CAMK2D: variants seen among roughly 807,000 people sequenced by gnomAD.
CAMK2D encodes calcium/calmodulin-dependent protein kinase type II subunit delta.
CAMK2D carries 37 observed loss-of-function variants against 84.0 expected under a neutral mutation model. That is an observed-to-expected ratio of 0.44 (90% CI 0.34 to 0.58). CAMK2D has a LOEUF of 0.58. CAMK2D is among the 20% of genes least tolerant of loss of function. The pLI is 0.02. For missense variants in CAMK2D, 448 were observed against 652.5 expected, an observed-to-expected ratio of 0.69 and a Z score of 3.41; for synonymous variants, 202 against 212.5, an observed-to-expected ratio of 0.95 and a Z score of 0.43.
At chr4:113,705,939 A>G (rs142686979) in intron 2 of CAMK2D, among the ~76,000 whole-genome samples, 227 of 152,294 alleles carry the variant, frequency 1.5e-3, no homozygotes, top group African/African-American at 5.2e-3. Context: ...GTAACACCAT[A>G]TAACTTTCTG....
At chr4:113,491,821 C>A (rs898802230) in intron 16 of CAMK2D, among the ~76,000 whole-genome samples, 1 of 151,960 alleles carries the variant, frequency 6.6e-6, no homozygotes, top group Non-Finnish European at 1.5e-5. Context: ...ATTTCAGAGC[C>A]TGTTATTGGT....
At chr4:113,662,963 A>G (rs1008022360) in intron 2 of CAMK2D, among the ~76,000 whole-genome samples, 2 of 152,224 alleles carry the variant, frequency 1.3e-5, no homozygotes, top group Non-Finnish European at 2.9e-5. Flanking sequence ...TTAAACACGT[A>G]TAGTGCTATT....
chr4:113,490,542 G>C (rs1261920190), intron 16 of CAMK2D, among the ~76,000 whole-genome samples: 2 of 139,874 alleles, frequency 1.4e-5, no homozygotes, highest in Non-Finnish European at 3.1e-5. Flanking sequence ...TTTGGTTACT[G>C]TAGCCTTGTA....
chr4:113,548,872 G>C (rs1007905672), intron 5 of CAMK2D: 6 of 555,316 alleles, frequency 1.1e-5, no homozygotes, highest in African/African-American at 2.0e-5. Flanking sequence ...CTTTACGTTG[G>C]AATCAAATAA....
chr4:113,531,958 A>C (rs1375316092), intron 7 of CAMK2D, among the ~76,000 whole-genome samples: 1 of 152,222 alleles, frequency 6.6e-6, no homozygotes, highest in African/African-American at 2.4e-5. Context: ...CAGTTTTTTA[A>C]ATAAAAATGT....
intron 3 of CAMK2D, among the ~76,000 whole-genome samples, chr4:113,619,119 C>T (rs541261549): frequency 6.6e-6 from 1 of 151,238 alleles, no homozygotes; most frequent in Non-Finnish European, 1.5e-5. Context: ...TCCATCTTTC[C>T]AGTTGCTCAT....
At chr4:113,672,612 C>T (rs1354689378) in intron 2 of CAMK2D, among the ~76,000 whole-genome samples, 3 of 151,848 alleles carry the variant, frequency 2.0e-5, no homozygotes, top group East Asian at 3.8e-4. Context: ...GATTGAACTA[C>T]AATCCCCAAG....
chr4:113,663,038 A>T (rs1180313437), intron 2 of CAMK2D, among the ~76,000 whole-genome samples: 1 of 152,234 alleles, frequency 6.6e-6, no homozygotes, highest in Non-Finnish European at 1.5e-5. Context: ...AGGCTCTAAC[A>T]GTGTATCTCC....
At chr4:113,576,300 C>T (rs939876305) in intron 4 of CAMK2D, among the ~76,000 whole-genome samples, 14 of 152,144 alleles carry the variant, frequency 9.2e-5, no homozygotes, top group African/African-American at 3.4e-4. Flanking sequence ...CTTATTGGCA[C>T]GTTTGCTTCT....
At chr4:113,698,341 A>AT (rs2099408930) in intron 2 of CAMK2D, among the ~76,000 whole-genome samples, 1 of 152,012 alleles carries the variant, frequency 6.6e-6, no homozygotes, top group South Asian at 2.1e-4. Flanking sequence ...CTCTTTTCTC[A>AT]TACATTGACT....
chr4:113,543,501 A>T (rs1333055878), intron 6 of CAMK2D, among the ~76,000 whole-genome samples: 1 of 151,796 alleles, frequency 6.6e-6, no homozygotes, highest in Non-Finnish European at 1.5e-5. Context: ...GATTACAGGC[A>T]TAAGCCACTG....
intron 3 of CAMK2D, among the ~76,000 whole-genome samples, chr4:113,642,626 G>A (rs1232541256): frequency 6.6e-6 from 1 of 152,194 alleles, no homozygotes; most frequent in Admixed American, 6.5e-5. Flanking sequence ...AGCCATCTAG[G>A]CTAAAGGCTT....
At chr4:113,557,553 G>A (rs1339043378) in intron 4 of CAMK2D, among the ~76,000 whole-genome samples, 2 of 152,212 alleles carry the variant, frequency 1.3e-5, no homozygotes, top group African/African-American at 2.4e-5. Flanking sequence ...TGCAGTGTCT[G>A]TGAGGTGACA....
chr4:113,690,250 T>A (rs938181159), intron 2 of CAMK2D, among the ~76,000 whole-genome samples: 13 of 152,284 alleles, frequency 8.5e-5, no homozygotes, highest in Admixed American at 6.5e-4. Context: ...CCTGAATTCA[T>A]ACTACTGAAG....
intron 2 of CAMK2D, among the ~76,000 whole-genome samples, chr4:113,716,072 CT>C (rs2099512452): frequency 6.6e-6 from 1 of 152,170 alleles, no homozygotes; most frequent in Non-Finnish European, 1.5e-5. Context: ...AATTGCTCCA[CT>C]TCAGTCATTT....
chr4:113,686,044 C>G (rs1561829600), intron 2 of CAMK2D, among the ~76,000 whole-genome samples: 1 of 146,786 alleles, frequency 6.8e-6, no homozygotes, highest in African/African-American at 2.5e-5. Context: ...GCCTGGGCAA[C>G]AGAAAGAGAT....
intron 16 of CAMK2D, among the ~76,000 whole-genome samples, chr4:113,493,238 C>T (rs192554432): frequency 1.1e-4 from 17 of 151,770 alleles, no homozygotes; most frequent in Middle Eastern, 3.4e-3. Flanking sequence ...TTCCTAGTCT[C>T]GATGGTCTTT....
In CAMK2D at chr4:113,452,500, T is replaced by C. The variant is rs917730229; in HGVS notation, c.*2045A>G. ...GGCAAGAAATATATACAGTGTCCCA[T>C]GGTAAACTGCAGTGTTTCAAAATGA... On this transcript the variant is annotated 3_prime_UTR_variant, in exon 21 of 21. Coordinates refer to ENST00000511664, the MANE Select transcript of CAMK2D (RefSeq NM_001321571.2). The C allele has an allele frequency of 3.9e-5, 6 of 152,614 alleles. No homozygotes were observed. The highest frequency in any genetic ancestry group is 3.9e-4 in the Admixed American group (6 of 15,274). 9.5% of individuals were successfully genotyped at this position (152,614 alleles called of 1,614,324 possible).
chr4:113,514,249 C>T (rs1261967786), intron 10 of CAMK2D, among the ~76,000 whole-genome samples: 1 of 152,124 alleles, frequency 6.6e-6, no homozygotes, highest in Non-Finnish European at 1.5e-5. Flanking sequence ...CGCATCTCTA[C>T]TAAAAATACA....
Sources: gnomAD v4.1 joint callset for allele counts (sites outside exome capture counted in the v4.1 genomes callset) on GRCh38, gnomAD v4.1.1 for gene constraint, MANE v1.5 for transcripts, NCBI Gene and HGNC (gene_info 2026-07-23, HGNC 2026-07-21) for gene names.